TMEM201: variants seen among roughly 807,000 people sequenced by gnomAD.
The protein encoded by TMEM201 is RP13-15M17.2.
TMEM201 carries 26 observed loss-of-function variants against 63.4 expected under a neutral mutation model. The ratio of observed to expected loss-of-function variants is 0.41; its 90% CI spans 0.30 to 0.57. The LOEUF (loss-of-function observed/expected upper bound fraction) is 0.57, where lower values mean the gene tolerates loss of function less well. Ranked by LOEUF, TMEM201 falls within the 20% of genes least tolerant of loss-of-function variation. TMEM201 has a pLI of 0.29. For missense variants in TMEM201, 794 were observed against 917.7 expected, an observed-to-expected ratio of 0.87 and a Z score of 1.74; for synonymous variants, 417 against 421.6, an observed-to-expected ratio of 0.99 and a Z score of 0.14.
intron 6 of TMEM201, chr1:9,602,591 C>T (rs1425566820): frequency 7.9e-6 from 10 of 1,261,996 alleles, no homozygotes; most frequent in Non-Finnish European, 1.0e-5. Context: ...CAGGCTCTGG[C>T]CCATGGCTTC....
At chr1:9,594,044 G>A (rs1302709980) in intron 1 of TMEM201, among the ~76,000 whole-genome samples, 1 of 152,236 alleles carries the variant, frequency 6.6e-6, no homozygotes, top group East Asian at 1.9e-4. Flanking sequence ...GCGCCCGGTG[G>A]CGCTGTCCTA....
In TMEM201 at chr1:9,602,194, C is replaced by T; in HGVS notation, c.1082C>T (p.Ser361Phe). 1 of 1,613,202 alleles carries T rather than the reference C, an allele frequency of 6.2e-7. No individual in the cohort carries two copies. Among genetic ancestry groups the T allele is most frequent in the Non-Finnish European group, 8.5e-7 (1 of 1,180,014 alleles). The change falls in exon 6 of 11, where the codon TCT (serine) becomes TTT (phenylalanine). Residue 361 changes from serine (S) to phenylalanine (F), a missense_variant. Transcript: ENST00000340381. ...GACACGCTCAAGTTCAGCACCACAT[C>T]TTTGTGCTGCCTGGTTGGCTTCACG... ...WLDTLKFSTT[S>F]LCCLVGFTAA...
intron 2 of TMEM201, 98 bp from the exon 3 acceptor site, chr1:9,596,761 C>A: frequency 1.6e-6 from 2 of 1,213,298 alleles, no homozygotes; most frequent in Non-Finnish European, 2.3e-6. Flanking sequence ...TGAGATCTAC[C>A]ATCACTTGCC....
chr1:9,597,632 C>T (rs1428633475), intron 3 of TMEM201, among the ~76,000 whole-genome samples: 1 of 152,194 alleles, frequency 6.6e-6, no homozygotes, highest in Non-Finnish European at 1.5e-5. Context: ...GCTGCTCCTT[C>T]CTGCCCTCGG....
chr1:9,607,875 C>A lies in TMEM201; in HGVS notation c.1393+86C>A. On this transcript the variant is annotated intron_variant, in intron 7 of 10. Transcript: ENST00000340381. This position sits in a 1 kb window ranked among gnomAD's most constrained non-coding sequence, Gnocchi z 5.4. ...GGATGGGTACATAGTGTAGGGAGGG[C>A]CGGGAGTGGTTAGTGTTCCTGCTGC... is the stretch of plus-strand genomic sequence containing the variant. The A allele has an allele frequency of 7.7e-7, 1 of 1,292,660 alleles. No individual in the cohort carries two copies. Among genetic ancestry groups the A allele is most frequent in the Non-Finnish European group, 1.1e-6 (1 of 942,638 alleles). The allele number at this position is 1,292,660 out of a possible 1,614,324, so 80.1% of individuals were successfully genotyped here. A position where few individuals can be genotyped will look rare whatever the true frequency, so the allele number is the denominator to read the frequency against.
In TMEM201 at chr1:9,596,892, T is replaced by A; in HGVS notation, c.268T>A (p.Tyr90Asn). Reference sequence around the variant, plus strand: ...CTACAACAAGCCGATCCCCGCCCAGTACTTGGAGCACCTGAACCACGTGGT... The same window carrying A: ...CTACAACAAGCCGATCCCCGCCCAGAACTTGGAGCACCTGAACCACGTGGT... Reference protein sequence around the residue: ...GDYNKPIPAQYLEHLNHVVSS... With the variant: ...GDYNKPIPAQNLEHLNHVVSS... Residue 90 changes from tyrosine to asparagine, a missense_variant, in exon 3 of 11, where the codon TAC (tyrosine) becomes AAC (asparagine). Coordinates refer to ENST00000340381, the MANE Select transcript of TMEM201 (RefSeq NM_001130924.3). 1.2e-6 allele frequency: 2 copies of A among 1,605,430 alleles called. No homozygotes were observed. The highest frequency in any genetic ancestry group is 1.7e-6 in the Non-Finnish European group (2 of 1,173,834).
rs989500774 is a variant in TMEM201 at position 9,588,988 on chromosome 1, C to T, written c.58C>T (p.Leu20=). The part of the protein sequence containing the change: ...RCPTAGLAGG[L]GVTACAAAGV... Reference sequence around the variant, plus strand: ...CCCCACGGCCGGCCTGGCCGGCGGCCTGGGGGTCACGGCGTGCGCCGCGGC... The same window carrying T: ...CCCCACGGCCGGCCTGGCCGGCGGCTTGGGGGTCACGGCGTGCGCCGCGGC... The change falls in exon 1 of 11, where the codon CTG becomes TTG. Residue 20 remains leucine, a synonymous_variant. Coordinates refer to ENST00000340381, the MANE Select transcript of TMEM201 (RefSeq NM_001130924.3). 8.2e-6 allele frequency: 10 copies of T among 1,221,024 alleles called. No individual in the cohort carries two copies. In the African/African-American group the frequency reaches 1.5e-4, roughly 18 times the overall value. The allele number at this position is 1,221,024 out of a possible 1,614,324, so 75.6% of individuals were successfully genotyped here.
At chr1:9,600,314 C>T (rs1644112960) in intron 4 of TMEM201, among the ~76,000 whole-genome samples, 1 of 152,190 alleles carries the variant, frequency 6.6e-6, no homozygotes, top group African/African-American at 2.4e-5. Flanking sequence ...CCACTGCATA[C>T]CAGATGTGGG....
chr1:9,607,551 T>C lies in TMEM201; in HGVS notation c.1161-6T>C. On this transcript the variant is annotated splice_region_variant and splice_polypyrimidine_tract_variant and intron_variant, in intron 6 of 10. Coordinates refer to ENST00000340381, the MANE Select transcript of TMEM201 (RefSeq NM_001130924.3). The surrounding 1 kb of genome is among the most constrained non-coding windows in gnomAD (Gnocchi z 5.4). ...TTCTTGTCCCGTGCCTGACGGGCCC[T>C]TGCAGGTTCTTCCCAGGAGACTCTG... 1.3e-6 allele frequency: 2 copies of C among 1,544,788 alleles called. No homozygotes were observed. Among genetic ancestry groups the C allele is most frequent in the Non-Finnish European group, 1.7e-6 (2 of 1,143,116 alleles).
At chr1:9,594,296 G>A (rs533350569) in intron 1 of TMEM201, among the ~76,000 whole-genome samples, 2 of 152,326 alleles carry the variant, frequency 1.3e-5, no homozygotes, top group South Asian at 4.1e-4. Flanking sequence ...AGATGCAGCG[G>A]TCCTTGTCCT....
rs767344782 is a variant in TMEM201 at position 9,602,163 on chromosome 1, T to C, written c.1051T>C (p.Trp351Arg). ...EQHLQAASPSWLDTLKFSTTS... is the reference protein window; with the variant it reads ...EQHLQAASPSRLDTLKFSTTS... Reference sequence around the variant, plus strand: ...GCACCTGCAGGCCGCCTCGCCTAGCTGGCTAGACACGCTCAAGTTCAGCAC... The same window carrying C: ...GCACCTGCAGGCCGCCTCGCCTAGCCGGCTAGACACGCTCAAGTTCAGCAC... Residue 351 changes from tryptophan (W) to arginine (R), a missense_variant, in exon 6 of 11, where the codon TGG becomes CGG. Transcript: ENST00000340381. 2 of 1,613,236 alleles carry C rather than the reference T, an allele frequency of 1.2e-6. No homozygotes were observed. Among genetic ancestry groups the C allele is most frequent in the South Asian group, 2.2e-5 (2 of 91,092 alleles).
intron 9 of TMEM201, chr1:9,611,172 C>G: frequency 3.0e-6 from 2 of 674,090 alleles, no homozygotes; most frequent in Non-Finnish European, 4.4e-6. Flanking sequence ...CTACAACTTT[C>G]AACTTTCACA....
chr1:9,612,924 G>A, intron 10 of TMEM201, 62 bp from the exon 11 acceptor site: 1 of 1,433,766 alleles, frequency 7.0e-7, no homozygotes, highest in Non-Finnish European at 9.6e-7. Context: ...CTAGGGGGCT[G>A]CTCAGCTGCA....
intron 7 of TMEM201, 48 bp from the exon 8 acceptor site, chr1:9,609,792 C>T: frequency 1.3e-6 from 2 of 1,526,542 alleles, no homozygotes; most frequent in Non-Finnish European, 8.9e-7. Flanking sequence ...GGGGCCTCTG[C>T]ACGTCATCCA....
chr1:9,598,382 T>C, intron 3 of TMEM201, 67 bp from the exon 4 acceptor site: 2 of 1,558,182 alleles, frequency 1.3e-6, no homozygotes, highest in Non-Finnish European at 1.7e-6. Flanking sequence ...ATTCCACGTC[T>C]GACCTGTAAG....
In TMEM201 at chr1:9,610,557, C is replaced by T. The variant is rs1197850403; in HGVS notation, c.1517C>T (p.Pro506Leu). The T allele has an allele frequency of 1.9e-6, 3 of 1,549,628 alleles. No individual in the cohort carries two copies. In the African/African-American group the frequency reaches 4.1e-5, roughly 21 times the overall value. The change falls in exon 9 of 11, where the codon CCA (proline) becomes CTA (leucine). Residue 506 changes from proline (P) to leucine (L), a missense_variant. Physicochemically the swap from Pro to Leu is moderately conservative, Grantham distance 98. Coordinates refer to ENST00000340381, the MANE Select transcript of TMEM201 (RefSeq NM_001130924.3). The surrounding 1 kb of genome is among the most constrained non-coding windows in gnomAD (Gnocchi z 4.9). ...TGCCCCTCCTCCCCACTCCCTTCCC[C>T]AGCGCCTTCCGTGGCCGGCTCGGTG... ...GSCPSSPLPSPAPSVAGSVAS... is the reference protein window; with the variant it reads ...GSCPSSPLPSLAPSVAGSVAS...
intron 4 of TMEM201, 103 bp from the exon 5 acceptor site, chr1:9,601,002 G>A: frequency 1.9e-6 from 2 of 1,029,290 alleles, no homozygotes; most frequent in Admixed American, 2.5e-5. Context: ...CAGGATGTGT[G>A]AGAACATGGG....
intron 3 of TMEM201, 70 bp downstream of exon 3, chr1:9,597,123 C>T: frequency 6.6e-7 from 1 of 1,510,416 alleles, no homozygotes; most frequent in Non-Finnish European, 8.9e-7. Context: ...GGGGGACAGG[C>T]ACGTGCAGGG....
At position 9,601,275 on chromosome 1, in the gene TMEM201, ACCTGACAATGGCACCACC is replaced by A; in HGVS notation, c.782_799del (p.Asp261_Pro266del). On this transcript the variant is annotated inframe_deletion, in exon 5 of 11. Transcript: ENST00000340381. Reference sequence around the variant, plus strand: ...CACCTGGTGGCAATGGCTCAGCCACACCTGACAATGGCACCACCCCTGGGGCCGAGGGCTGGCGGCAGT... The same window carrying A: ...CACCTGGTGGCAATGGCTCAGCCACACCTGGGGCCGAGGGCTGGCGGCAGT... 2 of 1,610,540 alleles carry A rather than the reference ACCTGACAATGGCACCACC, an allele frequency of 1.2e-6. No homozygotes were observed. Among genetic ancestry groups the A allele is most frequent in the Non-Finnish European group, 1.7e-6 (2 of 1,179,808 alleles).
Sources: gnomAD v4.1 joint callset for allele counts (sites outside exome capture counted in the v4.1 genomes callset) on GRCh38, gnomAD v4.1.1 for gene constraint, Gnocchi (gnomAD v3.1) non-coding constraint, MANE v1.5 for transcripts, NCBI Gene and HGNC (gene_info 2026-07-23, HGNC 2026-07-21) for gene names.